Variants in ST8SIA4 observed in about 807,000 individuals in gnomAD.
ST8SIA4 encodes the protein CMP-N-acetylneuraminate-poly-alpha-2,8-sialyltransferase.
ST8SIA4 carries 15 observed loss-of-function variants against 33.9 expected under a neutral mutation model. The ratio of observed to expected loss-of-function variants is 0.44; its 90% CI spans 0.30 to 0.68. ST8SIA4 has a LOEUF of 0.68. ST8SIA4 is among the 30% of genes least tolerant of loss of function. The pLI, the probability that ST8SIA4 is intolerant of heterozygous loss-of-function variation, is 0.10. For missense variants in ST8SIA4, 321 were observed against 428.0 expected (o/e 0.75, Z 2.21); for synonymous variants, 171 against 151.2 (o/e 1.13, Z -0.96).
At chr5:100,886,095 C>T in intron 3 of ST8SIA4, 1 of 1,268,400 alleles carries the variant, frequency 7.9e-7, no homozygotes. Flanking sequence ...TGCCTCCCCC[C>T]TCACCTCACC....
intron 3 of ST8SIA4, among the ~76,000 whole-genome samples, chr5:100,884,426 A>AT (rs754960431): frequency 2.6e-5 from 4 of 152,134 alleles, no homozygotes; most frequent in Admixed American, 1.3e-4. Context: ...GGACAGAAAG[A>AT]TTTTTTGGGA....
intron 4 of ST8SIA4, among the ~76,000 whole-genome samples, chr5:100,831,672 T>G (rs1231230604): frequency 1.3e-5 from 2 of 152,204 alleles, no homozygotes; most frequent in Non-Finnish European, 2.9e-5. Flanking sequence ...GAAATTCATT[T>G]TTCTTTCATT....
intron 4 of ST8SIA4, among the ~76,000 whole-genome samples, chr5:100,843,718 G>A (rs1480592943): frequency 1.3e-5 from 2 of 151,884 alleles, no homozygotes; most frequent in East Asian, 3.9e-4. Flanking sequence ...GAATGAAGAT[G>A]CAATGTATGC....
At chr5:100,839,538 G>A (rs993925557) in intron 4 of ST8SIA4, among the ~76,000 whole-genome samples, 4 of 151,800 alleles carry the variant, frequency 2.6e-5, no homozygotes, top group African/African-American at 7.3e-5. Flanking sequence ...AGCTACAAAG[G>A]CAATTAATTT....
At chr5:100,817,543 G>A (rs1410391396) in intron 4 of ST8SIA4, among the ~76,000 whole-genome samples, 1 of 152,110 alleles carries the variant, frequency 6.6e-6, no homozygotes, top group African/African-American at 2.4e-5. Flanking sequence ...TAGAATATCT[G>A]CTGTTTTCTT....
chr5:100,890,950 G>C (rs1381452148), intron 2 of ST8SIA4: 3 of 151,848 alleles, frequency 2.0e-5, no homozygotes, highest in Non-Finnish European at 4.4e-5. Flanking sequence ...TTTTCAACTA[G>C]AACTTCCCTT....
At chr5:100,859,005 A>C (rs1751876037) in intron 3 of ST8SIA4, among the ~76,000 whole-genome samples, 1 of 152,090 alleles carries the variant, frequency 6.6e-6, no homozygotes, top group Non-Finnish European at 1.5e-5. Context: ...CAATGTCCAC[A>C]TGTTGCTGGT....
At position 100,885,016 on chromosome 5, in the gene ST8SIA4, C is replaced by CTTTGT. The variant is rs1752506835; in HGVS notation, c.503+1322_503+1326dup. ...TGATTATGCCTTGACATCGTTACTT[C>CTTTGT]TTTGTTTTACCTGACTTATGATTTA... On this transcript the variant is annotated intron_variant, in intron 3 of 4. Transcript: ENST00000231461. 7.0e-5 allele frequency among the ~76,000 whole-genome samples: 9 copies of CTTTGT among 128,968 alleles called. No homozygotes were observed. In the South Asian group the frequency reaches 2.1e-3, roughly 30 times the overall value. 84.6% of individuals were successfully genotyped at this position (128,968 alleles called of 152,430 possible). A position where few individuals can be genotyped will look rare whatever the true frequency, so the allele number is the denominator to read the frequency against.
intron 4 of ST8SIA4, among the ~76,000 whole-genome samples, chr5:100,825,094 T>G (rs992355156): frequency 6.6e-5 from 10 of 152,024 alleles, no homozygotes; most frequent in African/African-American, 2.4e-4. Context: ...TTTACCAGAT[T>G]GTTAGAACCA....
At chr5:100,849,713 C>T (rs1027067491) in intron 4 of ST8SIA4, among the ~76,000 whole-genome samples, 2 of 151,876 alleles carry the variant, frequency 1.3e-5, no homozygotes, top group Non-Finnish European at 2.9e-5. Flanking sequence ...ATCAATCGCT[C>T]GAACTCAGAA....
chr5:100,812,222 G>T, intron 4 of ST8SIA4, 93 bp from the exon 5 acceptor site: 3 of 1,017,200 alleles, frequency 2.9e-6, no homozygotes, highest in South Asian at 2.3e-5. Flanking sequence ...AAACTTAAAA[G>T]GTATCTTTAT....
chr5:100,886,381 T>G lies in ST8SIA4; in HGVS notation c.465A>C (p.Glu155Asp). The part of the protein sequence containing the change: ...VGNSGILLDS[E>D]CGKEIDSHNF... ...TGTGACTGTCAATCTCCTTTCCACA[T>G]TCACTGTCTAACAGAATGCCAGAAT... Residue 155 changes from glutamate to aspartate, a missense_variant, in exon 3 of 5, where the codon GAA becomes GAC. By Grantham distance (45) the Glu-to-Asp change is conservative. Transcript: ENST00000231461. 2 of 1,613,860 alleles carry G rather than the reference T, an allele frequency of 1.2e-6. No homozygotes were observed. Among genetic ancestry groups the G allele is most frequent in the South Asian group, 2.2e-5 (2 of 91,084 alleles).
At chr5:100,895,834 T>C (rs374721605) in intron 1 of ST8SIA4, 49 bp from the exon 2 acceptor site, 4 of 1,602,268 alleles carry the variant, frequency 2.5e-6, no homozygotes, top group African/African-American at 2.7e-5. Flanking sequence ...AAACATTTTG[T>C]GTATACAGCA....
At chr5:100,883,692 T>C (rs1180469432) in intron 3 of ST8SIA4, among the ~76,000 whole-genome samples, 1 of 152,188 alleles carries the variant, frequency 6.6e-6, no homozygotes, top group Non-Finnish European at 1.5e-5. Flanking sequence ...GTTTCCCCTA[T>C]ACTGTTCTCG....
chr5:100,902,804 G>A (rs557454226), intron 1 of ST8SIA4, 39 bp downstream of exon 1: 1 of 1,508,158 alleles, frequency 6.6e-7, no homozygotes, highest in Non-Finnish European at 9.2e-7. Flanking sequence ...TTTATGGCTT[G>A]ACTTTTTGTC....
chr5:100,817,109 A>ATTTTTTTTTTTTTT (rs57222657), intron 4 of ST8SIA4, among the ~76,000 whole-genome samples: 3 of 74,326 alleles, frequency 4.0e-5, no homozygotes, highest in African/African-American at 1.8e-4. Context: ...CACCCAGCTA[A>ATTTTTTTTTTTTTT]TTTTTTTTTT....
chr5:100,868,417 T>G (rs967367430), intron 3 of ST8SIA4, among the ~76,000 whole-genome samples: 7 of 152,066 alleles, frequency 4.6e-5, no homozygotes, highest in Non-Finnish European at 7.4e-5. Context: ...TTACTAATCA[T>G]CTTTGTGAAA....
intron 4 of ST8SIA4, among the ~76,000 whole-genome samples, chr5:100,831,812 A>T (rs948004904): frequency 1.3e-5 from 2 of 152,132 alleles, no homozygotes; most frequent in Non-Finnish European, 2.9e-5. Context: ...ATTTTTTAAA[A>T]ATTTTCTTTA....
chr5:100,820,662 A>T (rs1751015957), intron 4 of ST8SIA4, among the ~76,000 whole-genome samples: 1 of 152,160 alleles, frequency 6.6e-6, no homozygotes, highest in African/African-American at 2.4e-5. Context: ...ATAACCAGAG[A>T]GAATACTCTA....
Sources: gnomAD v4.1 joint callset for allele counts (sites outside exome capture counted in the v4.1 genomes callset) on GRCh38, gnomAD v4.1.1 for gene constraint, MANE v1.5 for transcripts, NCBI Gene and HGNC (gene_info 2026-07-23, HGNC 2026-07-21) for gene names.